Variants in HIF1AN observed in about 807,000 individuals in gnomAD.
HIF1AN encodes hypoxia-inducible factor 1-alpha inhibitor.
In HIF1AN, 21 loss-of-function variants were observed where a neutral mutation model predicts 47.7. The ratio of observed to expected loss-of-function variants is 0.44; its 90% CI spans 0.31 to 0.63. The LOEUF is 0.63. Among genes scored for constraint, HIF1AN ranks in the 30% least tolerant of loss-of-function variants. HIF1AN has a pLI of 0.07. For synonymous variants in HIF1AN, 152 were observed against 155.9 expected (o/e 0.98, Z 0.18); for missense variants, 320 against 432.7 (o/e 0.74, Z 2.31).
At chr10:100,536,769 C>A in intron 2 of HIF1AN, 108 bp downstream of exon 2, 1 of 1,229,764 alleles carries the variant, frequency 8.1e-7, no homozygotes, top group Non-Finnish European at 1.2e-6. Flanking sequence ...TTGGCCTCTC[C>A]CATCTCTGGA....
chr10:100,540,866 G>A, intron 3 of HIF1AN, 84 bp downstream of exon 3: 1 of 1,235,376 alleles, frequency 8.1e-7, no homozygotes, highest in Non-Finnish European at 1.1e-6. Flanking sequence ...TTAGCTCCAT[G>A]ACTTTGAACA....
intron 3 of HIF1AN, among the ~76,000 whole-genome samples, chr10:100,543,587 T>C (rs1056197855): frequency 2.0e-5 from 3 of 152,092 alleles, no homozygotes; most frequent in Non-Finnish European, 4.4e-5. Context: ...TGACTCTTTT[T>C]TTTGAGACAG....
chr10:100,547,714 T>TAG (rs1843107482), intron 7 of HIF1AN, among the ~76,000 whole-genome samples: 4 of 152,198 alleles, frequency 2.6e-5, no homozygotes, highest in Admixed American at 2.6e-4. Flanking sequence ...TGTTGGGAGA[T>TAG]AGCATCAGCC....
intron 7 of HIF1AN, 75 bp downstream of exon 7, chr10:100,547,325 A>G: frequency 2.3e-6 from 2 of 862,292 alleles, no homozygotes; most frequent in Admixed American, 2.0e-5. Context: ...CATTCTTTAC[A>G]GCTTCTGTGT....
intron 3 of HIF1AN, among the ~76,000 whole-genome samples, chr10:100,543,184 T>TTGTTTC (rs1843060600): frequency 6.6e-6 from 1 of 151,796 alleles, no homozygotes; most frequent in African/African-American, 2.4e-5. Flanking sequence ...GCCTCTTTTT[T>TTGTTTC]TGTTTTTGTT....
chr10:100,549,061 CGTGCG>C lies in HIF1AN; in HGVS notation c.*925_*929del, dbSNP rs2133731073. Reference sequence around the variant, plus strand: ...GCCTCTGGGTGTGTGTGTGTGTGTGCGTGCGTGTGTGTGTGTGTGTCCGTGTGTGT... The same window carrying C: ...GCCTCTGGGTGTGTGTGTGTGTGTGCTGTGTGTGTGTGTGTCCGTGTGTGT... On this transcript the variant is annotated 3_prime_UTR_variant, in exon 8 of 8. Coordinates refer to ENST00000299163, the MANE Select transcript of HIF1AN (RefSeq NM_017902.3). The C allele has an allele frequency of 7.3e-6, 1 of 136,534 alleles. No individual in the cohort carries two copies. The highest frequency in any genetic ancestry group is 2.4e-4 in the South Asian group (1 of 4,180). 8.5% of individuals were successfully genotyped at this position (136,534 alleles called of 1,614,324 possible).
rs1356024559 is a variant in HIF1AN at position 100,550,255 on chromosome 10, G to A, written c.*2118G>A. The A allele has an allele frequency of 2.0e-5, 3 of 152,226 alleles. No homozygotes were observed. The highest frequency in any genetic ancestry group is 7.2e-5 in the African/African-American group (3 of 41,450). 9.4% of individuals were successfully genotyped at this position (152,226 alleles called of 1,614,324 possible). On this transcript the variant is annotated 3_prime_UTR_variant, in exon 8 of 8. Transcript: ENST00000299163. ...GGTGGCTGAGGGGTGGGAGGGAGAA[G>A]GCTAATCTTGGAACCTTCACAGGAT...
chr10:100,558,196 A>C lies in HIF1AN; in HGVS notation c.*10059A>C, dbSNP rs1843229809. Reference sequence around the variant, plus strand: ...TAGGCAATGAGGAGCGGAGGACAAGACCCTGAACTAAGGGTGAGGAGGCCA... The same window carrying C: ...TAGGCAATGAGGAGCGGAGGACAAGCCCCTGAACTAAGGGTGAGGAGGCCA... On this transcript the variant is annotated 3_prime_UTR_variant, in exon 8 of 8. Coordinates refer to ENST00000299163, the MANE Select transcript of HIF1AN (RefSeq NM_017902.3). 1 of 152,180 alleles carries C rather than the reference A, an allele frequency of 6.6e-6. No homozygotes were observed. Among genetic ancestry groups the C allele is most frequent in the Non-Finnish European group, 1.5e-5 (1 of 68,072 alleles). 9.4% of individuals were successfully genotyped at this position (152,180 alleles called of 1,614,324 possible). A position where few individuals can be genotyped will look rare whatever the true frequency, so the allele number is the denominator to read the frequency against.
At chr10:100,540,418 A>G (rs1156717207) in intron 2 of HIF1AN, among the ~76,000 whole-genome samples, 1 of 152,192 alleles carries the variant, frequency 6.6e-6, no homozygotes, top group East Asian at 1.9e-4. Context: ...AAGAAAAACC[A>G]GTAAATTAAA....
In HIF1AN at chr10:100,550,561, C is replaced by G. The variant is rs942900966; in HGVS notation, c.*2424C>G. On this transcript the variant is annotated 3_prime_UTR_variant, in exon 8 of 8. Coordinates refer to ENST00000299163, the MANE Select transcript of HIF1AN (RefSeq NM_017902.3). Reference sequence around the variant, plus strand: ...CAGGTTCTGTCCTCAAGATATCACCCCACTGGGCAGTATCTGAAGGCAGAC... The same window carrying G: ...CAGGTTCTGTCCTCAAGATATCACCGCACTGGGCAGTATCTGAAGGCAGAC... 1 of 152,194 alleles carries G rather than the reference C, an allele frequency of 6.6e-6. No individual in the cohort carries two copies. The highest frequency in any genetic ancestry group is 1.5e-5 in the Non-Finnish European group (1 of 68,050). The allele number at this position is 152,194 out of a possible 1,614,324, so 9.4% of individuals were successfully genotyped here. A position where few individuals can be genotyped will look rare whatever the true frequency, so the allele number is the denominator to read the frequency against.
chr10:100,537,206 T>TA (rs1470605262), intron 2 of HIF1AN, among the ~76,000 whole-genome samples: 2 of 152,172 alleles, frequency 1.3e-5, no homozygotes, highest in Admixed American at 6.5e-5. Flanking sequence ...GAGAGGTCAT[T>TA]ACTTGACTCT....
rs538872662 is a variant in HIF1AN at position 100,543,173 on chromosome 10, T to G, written c.578-1778T>G. ...ATGTGGCTTGTGAATTGATACCACCTGCCTCTTTTTTTGTTTTTGTTTTTG... is the reference window on the plus strand; with the variant it reads ...ATGTGGCTTGTGAATTGATACCACCGGCCTCTTTTTTTGTTTTTGTTTTTG... On this transcript the variant is annotated intron_variant, in intron 3 of 7. Transcript: ENST00000299163. Among the ~76,000 whole-genome samples the G allele has an allele frequency of 2.3e-3, 339 of 150,514 alleles. 1 individual carries two copies. The highest frequency in any genetic ancestry group is 8.0e-3 in the African/African-American group (326 of 40,788).
At position 100,549,288 on chromosome 10, in the gene HIF1AN, C is replaced by T. The variant is rs1843131691; in HGVS notation, c.*1151C>T. ...GCCCGAGGCTAACTGGCTAGAGCCT[C>T]CAGGCCCTATGATGCTCCCTGCCCA... On this transcript the variant is annotated 3_prime_UTR_variant, in exon 8 of 8. Transcript: ENST00000299163. 6.6e-6 allele frequency: 1 copy of T among 152,390 alleles called. No homozygotes were observed. The highest frequency in any genetic ancestry group is 2.1e-4 in the South Asian group (1 of 4,822). The allele number at this position is 152,390 out of a possible 1,614,324, so 9.4% of individuals were successfully genotyped here. A position where few individuals can be genotyped will look rare whatever the true frequency, so the allele number is the denominator to read the frequency against.
chr10:100,543,083 T>A (rs1170427964), intron 3 of HIF1AN, among the ~76,000 whole-genome samples: 7 of 152,220 alleles, frequency 4.6e-5, no homozygotes, highest in African/African-American at 1.7e-4. Context: ...TGGTTTCTTC[T>A]TGTTTGATTG....
rs1487183727 is a variant in HIF1AN at position 100,548,079 on chromosome 10, A to T, written c.1006-14A>T. Reference sequence around the variant, plus strand: ...AACAGCCAGTTCTGATTGGCTCCTCATGTTTCTTTACAGGTGGGGCCCTTG... The same window carrying T: ...AACAGCCAGTTCTGATTGGCTCCTCTTGTTTCTTTACAGGTGGGGCCCTTG... On this transcript the variant is annotated splice_polypyrimidine_tract_variant and intron_variant, in intron 7 of 7. Transcript: ENST00000299163. 1.9e-6 allele frequency: 3 copies of T among 1,613,552 alleles called. No individual in the cohort carries two copies. The highest frequency in any genetic ancestry group is 2.5e-6 in the Non-Finnish European group (3 of 1,179,810).
intron 2 of HIF1AN, among the ~76,000 whole-genome samples, chr10:100,540,114 T>C (rs1165926579): frequency 6.6e-6 from 1 of 152,060 alleles, no homozygotes; most frequent in African/African-American, 2.4e-5. Flanking sequence ...GTTCAAGTGA[T>C]TCTCCTGCCT....
rs2133737638 is a variant in HIF1AN, at chr10:100,556,313, AC to A, written c.*8177del. 6.6e-6 allele frequency: 1 copy of A among 152,274 alleles called. No homozygotes were observed. The highest frequency in any genetic ancestry group is 1.9e-4 in the East Asian group (1 of 5,180). The allele number at this position is 152,274 out of a possible 1,614,324, so 9.4% of individuals were successfully genotyped here. On this transcript the variant is annotated 3_prime_UTR_variant, in exon 8 of 8. Coordinates refer to ENST00000299163, the MANE Select transcript of HIF1AN (RefSeq NM_017902.3). ...ACAATACTAAAAATACCTGAAACAT[AC>A]TGGGTGAAAATAAGACATTGGAGCT...
rs973750140 is a variant in HIF1AN, at chr10:100,549,362, G to A, written c.*1225G>A. On this transcript the variant is annotated 3_prime_UTR_variant, in exon 8 of 8. Coordinates refer to ENST00000299163, the MANE Select transcript of HIF1AN (RefSeq NM_017902.3). ...AGCTTCCTGGCTGAATAGATGAAAT[G>A]GGGTCAAGCCCAGGCAGCTCATTCA... The A allele has an allele frequency of 6.6e-6, 1 of 152,246 alleles. No homozygotes were observed. Among genetic ancestry groups the A allele is most frequent in the Non-Finnish European group, 1.5e-5 (1 of 68,112 alleles). 9.4% of individuals were successfully genotyped at this position (152,246 alleles called of 1,614,324 possible). A position where few individuals can be genotyped will look rare whatever the true frequency, so the allele number is the denominator to read the frequency against.
intron 3 of HIF1AN, among the ~76,000 whole-genome samples, chr10:100,541,245 G>T (rs1843025043): frequency 6.6e-6 from 1 of 151,874 alleles, no homozygotes; most frequent in Non-Finnish European, 1.5e-5. Context: ...ACATAATAGG[G>T]CCAGGCATGG....
Sources: gnomAD v4.1 joint callset for allele counts (sites outside exome capture counted in the v4.1 genomes callset) on GRCh38, gnomAD v4.1.1 for gene constraint, MANE v1.5 for transcripts, NCBI Gene and HGNC (gene_info 2026-07-23, HGNC 2026-07-21) for gene names.